Variants in TENT5C observed in about 807,000 individuals in gnomAD.
TENT5C encodes the protein family with sequence similarity 46 member C.
TENT5C carries 5 observed loss-of-function variants against 22.2 expected under a neutral mutation model. The observed-to-expected ratio is 0.22, with a 90% CI of 0.12 to 0.47. TENT5C has a LOEUF of 0.47. Ranked by LOEUF, TENT5C falls within the 20% of genes least tolerant of loss-of-function variation. The pLI is 0.99. For synonymous variants in TENT5C, 199 were observed against 195.4 expected (o/e 1.02, Z -0.15); for missense variants, 364 against 500.9 (o/e 0.73, Z 2.61).
intron 1 of TENT5C, among the ~76,000 whole-genome samples, chr1:117,616,515 C>T (rs527384898): frequency 1.3e-5 from 2 of 152,266 alleles, no homozygotes; most frequent in African/African-American, 2.4e-5. Context: ...GTGGGAAGAG[C>T]CACAGGTGCA....
intron 1 of TENT5C, among the ~76,000 whole-genome samples, chr1:117,616,670 A>G (rs990058888): frequency 1.3e-5 from 2 of 152,240 alleles, no homozygotes; most frequent in Non-Finnish European, 2.9e-5. Context: ...GGGAAGAACC[A>G]CACATTTGAG....
intron 1 of TENT5C, among the ~76,000 whole-genome samples, chr1:117,609,727 G>A (rs1271008436): frequency 2.6e-5 from 4 of 152,210 alleles, no homozygotes; most frequent in African/African-American, 4.8e-5. Context: ...GCCGGAAAGC[G>A]GAATCTGTGC....
intron 1 of TENT5C, among the ~76,000 whole-genome samples, chr1:117,615,679 TTA>T (rs1477739400): frequency 9.9e-5 from 15 of 152,268 alleles, no homozygotes; most frequent in African/African-American, 3.6e-4. Flanking sequence ...AAGCAGACGT[TTA>T]TGTTATGAAA....
intron 1 of TENT5C, among the ~76,000 whole-genome samples, chr1:117,614,467 A>C (rs998236400): frequency 6.6e-6 from 1 of 152,194 alleles, no homozygotes; most frequent in South Asian, 2.1e-4. Flanking sequence ...TTCAGCATTC[A>C]TGAGGTCCTG....
intron 1 of TENT5C, among the ~76,000 whole-genome samples, chr1:117,609,460 C>T (rs1653615628): frequency 6.6e-6 from 1 of 152,066 alleles, no homozygotes; most frequent in Non-Finnish European, 1.5e-5. Flanking sequence ...AGTGTCGGAG[C>T]TTGAGACTAA....
intron 1 of TENT5C, among the ~76,000 whole-genome samples, chr1:117,611,065 G>T (rs1231895061): frequency 6.6e-6 from 1 of 152,162 alleles, no homozygotes; most frequent in Non-Finnish European, 1.5e-5. Context: ...TTTCCTGGCT[G>T]CTTGCCCCTG....
At chr1:117,612,901 T>A (rs941144333) in intron 1 of TENT5C, among the ~76,000 whole-genome samples, 5 of 152,228 alleles carry the variant, frequency 3.3e-5, no homozygotes, top group Admixed American at 3.3e-4. Flanking sequence ...TGTTTAAAGC[T>A]GTAGGCTGGA....
chr1:117,615,457 A>G (rs1775831), intron 1 of TENT5C, among the ~76,000 whole-genome samples: 92,910 of 152,168 alleles, frequency 0.61, 28,691 homozygotes, highest in African/African-American at 0.68. Context: ...GTTGTTATAG[A>G]AATCAAATGA....
rs911615251 is a variant in TENT5C, at chr1:117,627,150, T to G, written c.*3106T>G. ...GTGAGTTGGGTAAGGAAGATGATGC[T>G]TAGTTCCTGATAGATGCTACAGATG... On this transcript the variant is annotated 3_prime_UTR_variant, in exon 2 of 2. Coordinates refer to ENST00000369448, the MANE Select transcript of TENT5C (RefSeq NM_017709.4). 2 of 248,092 alleles carry G rather than the reference T, an allele frequency of 8.1e-6. No homozygotes were observed. Among genetic ancestry groups the G allele is most frequent in the Non-Finnish European group, 1.7e-5 (2 of 118,148 alleles). The allele number at this position is 248,092 out of a possible 1,614,324, so 15.4% of individuals were successfully genotyped here.
rs937297063 is a variant in TENT5C, at chr1:117,628,109, T to C, written c.*4065T>C. On this transcript the variant is annotated 3_prime_UTR_variant, in exon 2 of 2. Coordinates refer to ENST00000369448, the MANE Select transcript of TENT5C (RefSeq NM_017709.4). Reference sequence around the variant, plus strand: ...TGTTTTATTTTAATGGATAAAAATGTAATTTTTCTAAGGTAGCAACTTATT... The same window carrying C: ...TGTTTTATTTTAATGGATAAAAATGCAATTTTTCTAAGGTAGCAACTTATT... 1.2e-5 allele frequency: 3 copies of C among 248,092 alleles called. No individual in the cohort carries two copies. The highest frequency in any genetic ancestry group is 2.5e-5 in the Non-Finnish European group (3 of 118,100). The allele number at this position is 248,092 out of a possible 1,614,324, so 15.4% of individuals were successfully genotyped here. A position where few individuals can be genotyped will look rare whatever the true frequency, so the allele number is the denominator to read the frequency against.
In TENT5C at chr1:117,627,698, G is replaced by A. The variant is rs1654040338; in HGVS notation, c.*3654G>A. ...GACTAGAATTTCACAGCTCGCTTTGGAACATATTCCAATTCAACCAGTTAA... is the reference window on the plus strand; with the variant it reads ...GACTAGAATTTCACAGCTCGCTTTGAAACATATTCCAATTCAACCAGTTAA... On this transcript the variant is annotated 3_prime_UTR_variant, in exon 2 of 2. Transcript: ENST00000369448. 4.0e-6 allele frequency: 1 copy of A among 247,932 alleles called. No homozygotes were observed. Among genetic ancestry groups the A allele is most frequent in the Admixed American group, 5.6e-5 (1 of 17,782 alleles). The allele number at this position is 247,932 out of a possible 1,614,324, so 15.4% of individuals were successfully genotyped here. A position where few individuals can be genotyped will look rare whatever the true frequency, so the allele number is the denominator to read the frequency against.
chr1:117,612,306 A>G (rs907230231), intron 1 of TENT5C, among the ~76,000 whole-genome samples: 2 of 151,616 alleles, frequency 1.3e-5, no homozygotes, highest in East Asian at 3.9e-4. Context: ...CAGACTTGAC[A>G]CTAAAACACA....
rs1653942344 is a variant in TENT5C, at chr1:117,623,392, G to A, written c.524G>A (p.Arg175His). ...CTGAAGTTTGTCGACTCCATTCGGC[G>A]TCAGTTTGAGTTCAGTGTGGACTCT... ...VELKFVDSIR[R>H]QFEFSVDSFQ... The change falls in exon 2 of 2, where the codon CGT becomes CAT. Residue 175 changes from arginine (R) to histidine (H), a missense_variant. This residue lies in a region of TENT5C where 303 missense variants were observed against 394.5 expected (regional missense o/e 0.77). Transcript: ENST00000369448. The A allele has an allele frequency of 6.2e-7, 1 of 1,614,180 alleles. No individual in the cohort carries two copies. The highest frequency in any genetic ancestry group is 8.5e-7 in the Non-Finnish European group (1 of 1,180,046).
rs1328866384 is a variant in TENT5C at position 117,628,286 on chromosome 1, T to TA, written c.*4246dup. On this transcript the variant is annotated 3_prime_UTR_variant, in exon 2 of 2. Transcript: ENST00000369448. ...GGTCACTAACCTTACTTGATGCAGA[T>TA]AAAATCACTTGTCAATGCAAAATGT... The TA allele has an allele frequency of 4.0e-6, 1 of 246,996 alleles. No individual in the cohort carries two copies. The highest frequency in any genetic ancestry group is 8.5e-6 in the Non-Finnish European group (1 of 117,498). 15.3% of individuals were successfully genotyped at this position (246,996 alleles called of 1,614,324 possible).
At position 117,623,103 on chromosome 1, in the gene TENT5C, GT is replaced by G; in HGVS notation, c.239del (p.Leu80TrpfsTer14). 1.2e-6 allele frequency: 2 copies of G among 1,614,226 alleles called. No homozygotes were observed. The highest frequency in any genetic ancestry group is 1.7e-6 in the Non-Finnish European group (2 of 1,180,042). On this transcript the variant is annotated frameshift_variant, in exon 2 of 2. Transcript: ENST00000369448. LOFTEE classifies it high-confidence loss of function. ...GCTGAATGGCTCCGCAGCTGGCCAC[GT>G]TTTGGTCAAAGACAATGGCTTGGGC... Reference protein sequence around the residue: ...VRLNGSAAGHVLVKDNGLGCK... With the variant: ...VRLNGSAAGHXLVKDNGLGCK...
At chr1:117,610,684 C>T (rs1049603643) in intron 1 of TENT5C, among the ~76,000 whole-genome samples, 1 of 152,184 alleles carries the variant, frequency 6.6e-6, no homozygotes, top group Non-Finnish European at 1.5e-5. Context: ...CACACCACCA[C>T]ACCCAGCTAA....
chr1:117,607,647 A>G (rs1653570411), intron 1 of TENT5C, among the ~76,000 whole-genome samples: 1 of 152,152 alleles, frequency 6.6e-6, no homozygotes, highest in Non-Finnish European at 1.5e-5. Flanking sequence ...ACGTGAGTAA[A>G]TTGGCAAGGA....
rs1654011182 is a variant in TENT5C at position 117,626,316 on chromosome 1, C to T, written c.*2272C>T. 1 of 247,914 alleles carries T rather than the reference C, an allele frequency of 4.0e-6. No individual in the cohort carries two copies. Among genetic ancestry groups the T allele is most frequent in the Non-Finnish European group, 8.5e-6 (1 of 118,010 alleles). 15.4% of individuals were successfully genotyped at this position (247,914 alleles called of 1,614,324 possible). Reference sequence around the variant, plus strand: ...TTTTCCCCCCCATCTGGTAATAGTCCTCTTCTGAGAATGAAAGGAGGCACA... The same window carrying T: ...TTTTCCCCCCCATCTGGTAATAGTCTTCTTCTGAGAATGAAAGGAGGCACA... On this transcript the variant is annotated 3_prime_UTR_variant, in exon 2 of 2. Coordinates refer to ENST00000369448, the MANE Select transcript of TENT5C (RefSeq NM_017709.4).
At chr1:117,618,500 C>G (rs1211839977) in intron 1 of TENT5C, among the ~76,000 whole-genome samples, 3 of 151,598 alleles carry the variant, frequency 2.0e-5, no homozygotes, top group Non-Finnish European at 4.4e-5. Context: ...ATCCCCTTAT[C>G]TGTAGAGATC....
Sources: gnomAD v4.1 joint callset for allele counts (sites outside exome capture counted in the v4.1 genomes callset) on GRCh38, gnomAD v4.1.1 for gene constraint, gnomAD v4.1.1 regional missense constraint, MANE v1.5 for transcripts, NCBI Gene and HGNC (gene_info 2026-07-23, HGNC 2026-07-21) for gene names.